The following ZNF41 variants were observed in gnomAD, a reference collection of about 807,000 sequenced individuals.
ZNF41 encodes the protein zinc finger protein 41.
In ZNF41, 6 loss-of-function variants were observed where a neutral mutation model predicts 9.3. The ratio of observed to expected loss-of-function variants is 0.65; its 90% CI spans 0.35 to 1.28. The LOEUF is 1.28. ZNF41 is among the 50% of genes most tolerant of loss of function. The probability of loss-of-function intolerance (pLI) is 0.03; values close to 1 mark genes in which losing one functional copy is unlikely to be tolerated. For missense variants in ZNF41, 523 were observed against 585.8 expected, an observed-to-expected ratio of 0.89 and a Z score of 1.11; for synonymous variants, 192 against 207.1, an observed-to-expected ratio of 0.93 and a Z score of 0.63.
intron 2 of ZNF41, among the ~76,000 whole-genome samples, chrX:47,459,725 C>T (rs142793644): frequency 0.012 from 913 of 77,139 alleles, 9 homozygotes; most frequent in Non-Finnish European, 0.018. Flanking sequence ...GCCTGGGTGA[C>T]GGAGCAAGAC....
At chrX:47,460,055 TG>T (rs2056731585) in intron 2 of ZNF41, among the ~76,000 whole-genome samples, 1 of 111,145 alleles carries the variant, frequency 9.0e-6, no homozygotes, top group Non-Finnish European at 1.9e-5. Context: ...AAAACCAGCC[TG>T]GGCAATATGG....
chrX:47,451,481 C>T (rs964159374), intron 4 of ZNF41, among the ~76,000 whole-genome samples: 6 of 112,036 alleles, frequency 5.4e-5, no homozygotes, highest in Non-Finnish European at 9.4e-5. Flanking sequence ...AGGCTGGGTG[C>T]GGTGGCTCAT....
chrX:47,474,599 G>GGCCA (rs1269667518), intron 1 of ZNF41, among the ~76,000 whole-genome samples: 1 of 109,351 alleles, frequency 9.1e-6, no homozygotes, highest in Non-Finnish European at 1.9e-5. Flanking sequence ...TAAAAGGTCT[G>GGCCA]GGTACAGTGG....
intron 2 of ZNF41, among the ~76,000 whole-genome samples, chrX:47,464,455 G>A (rs1356484873): frequency 9.0e-6 from 1 of 111,180 alleles, no homozygotes; most frequent in East Asian, 2.8e-4. Context: ...AAACCCTGGG[G>A]ATATTTTTAT....
At chrX:47,450,059 T>C (rs991076133) in intron 4 of ZNF41, among the ~76,000 whole-genome samples, 2 of 111,906 alleles carry the variant, frequency 1.8e-5, no homozygotes, top group Non-Finnish European at 3.8e-5. Flanking sequence ...CCTTCAAATT[T>C]AATGTTAATT....
At chrX:47,474,897 T>C (rs1365562733) in intron 1 of ZNF41, among the ~76,000 whole-genome samples, 1 of 76,526 alleles carries the variant, frequency 1.3e-5, no homozygotes, top group African/African-American at 5.1e-5. Flanking sequence ...AAAAAAAGAG[T>C]AGGCCGGGCA....
chrX:47,459,931 G>A (rs1377705586), intron 2 of ZNF41, among the ~76,000 whole-genome samples: 1 of 99,229 alleles, frequency 1.0e-5, no homozygotes. Flanking sequence ...TGACAAAAGC[G>A]AGACTCCATC....
chrX:47,467,504 C>G lies in ZNF41; in HGVS notation c.-23G>C, dbSNP rs1055676962. ...CATGTTCACGCTGGGCCTCAGCCCT[C>G]AGGCTCTCCTGCTGACAACCCCACT... is the stretch of plus-strand genomic sequence containing the variant. On this transcript the variant is annotated 5_prime_UTR_variant, in exon 2 of 5. It removes the in-frame stop codon of an upstream open reading frame in the 5' UTR. Coordinates refer to ENST00000684689, the MANE Select transcript of ZNF41 (RefSeq NM_001324144.2). 1 of 1,174,306 alleles carries G rather than the reference C, an allele frequency of 8.5e-7. No individual in the cohort carries two copies. Among genetic ancestry groups the G allele is most frequent in the Admixed American group, 2.5e-5 (1 of 39,893 alleles).
intron 2 of ZNF41, among the ~76,000 whole-genome samples, chrX:47,466,915 G>A (rs1474081411): frequency 1.8e-5 from 2 of 111,836 alleles, no homozygotes; most frequent in African/African-American, 6.5e-5. Flanking sequence ...AAAGAAAAAG[G>A]ATTTTTCTCT....
chrX:47,447,188 G>T lies in ZNF41; in HGVS notation c.*242C>A. 2.4e-6 allele frequency: 1 copy of T among 408,721 alleles called. No homozygotes were observed. Among genetic ancestry groups the T allele is most frequent in the South Asian group, 3.6e-5 (1 of 28,169 alleles). 33.7% of individuals were successfully genotyped at this position (408,721 alleles called of 1,213,427 possible). On this transcript the variant is annotated 3_prime_UTR_variant, in exon 5 of 5. Transcript: ENST00000684689. Reference sequence around the variant, plus strand: ...AATCATGTCACCAAACATGACTTTCGCTCAAATGCTTTCTCTAAAGGCTCT... The same window carrying T: ...AATCATGTCACCAAACATGACTTTCTCTCAAATGCTTTCTCTAAAGGCTCT...
chrX:47,473,705 A>G (rs909907510), intron 1 of ZNF41, among the ~76,000 whole-genome samples: 1 of 112,449 alleles, frequency 8.9e-6, no homozygotes, highest in African/African-American at 3.2e-5. Context: ...AAACACATTT[A>G]GAACTGGTAC....
chrX:47,457,976 T>C (rs1046870057), intron 2 of ZNF41, among the ~76,000 whole-genome samples: 1 of 112,513 alleles, frequency 8.9e-6, no homozygotes, highest in African/African-American at 3.2e-5. Context: ...TGGTGTTATA[T>C]ACTGAGAGGG....
At chrX:47,465,980 A>G (rs2056969012) in intron 2 of ZNF41, among the ~76,000 whole-genome samples, 1 of 111,090 alleles carries the variant, frequency 9.0e-6, no homozygotes, top group African/African-American at 3.3e-5. Context: ...TTAGCTATAT[A>G]TGTGTATGTG....
chrX:47,465,912 T>C (rs185972332), intron 2 of ZNF41, among the ~76,000 whole-genome samples: 203 of 112,605 alleles, frequency 1.8e-3, no homozygotes, highest in African/African-American at 6.3e-3. Context: ...TAGCAAATTA[T>C]GTTAAACTGC....
At chrX:47,457,053 A>G (rs1404396895) in intron 2 of ZNF41, among the ~76,000 whole-genome samples, 1 of 111,774 alleles carries the variant, frequency 8.9e-6, no homozygotes, top group Admixed American at 9.5e-5. Context: ...TCTAATAGAG[A>G]ATGGACTGCA....
At chrX:47,455,287 AT>A (rs1423998661) in intron 4 of ZNF41, among the ~76,000 whole-genome samples, 2 of 99,321 alleles carry the variant, frequency 2.0e-5, no homozygotes, top group East Asian at 6.3e-4. Context: ...TAAAATTAAA[AT>A]TAAAAAAAAA....
chrX:47,463,072 C>T (rs1015353055), intron 2 of ZNF41, among the ~76,000 whole-genome samples: 5 of 110,315 alleles, frequency 4.5e-5, no homozygotes, highest in African/African-American at 6.6e-5. Context: ...ACAATCCTCC[C>T]GCTTTGGCCT....
At chrX:47,454,033 T>C (rs995135259) in intron 4 of ZNF41, among the ~76,000 whole-genome samples, 1 of 111,225 alleles carries the variant, frequency 9.0e-6, no homozygotes, top group Middle Eastern at 4.2e-3. Flanking sequence ...AATGGCACCG[T>C]TGCATTCCAG....
rs1441027359 is a variant in ZNF41, at chrX:47,447,816, C to G, written c.1954G>C (p.Val652Leu). The change falls in exon 5 of 5, where the codon GTG becomes CTG. Residue 652 changes from valine to leucine, a missense_variant. Physicochemically the swap from Val to Leu is conservative, Grantham distance 32. Transcript: ENST00000684689. ...KCFTKKSQLR[V>L]HQKIHTGEKP... ...TCACCTGTGTGGATTTTCTGATGCACACGGAGTTGTGACTTCTTAGTGAAG... is the reference window on the plus strand; with the variant it reads ...TCACCTGTGTGGATTTTCTGATGCAGACGGAGTTGTGACTTCTTAGTGAAG... 5 of 1,211,523 alleles carry G rather than the reference C, an allele frequency of 4.1e-6. No homozygotes were observed. Among genetic ancestry groups the G allele is most frequent in the Non-Finnish European group, 5.6e-6 (5 of 895,468 alleles).
Sources: gnomAD v4.1 joint callset for allele counts (sites outside exome capture counted in the v4.1 genomes callset) on GRCh38, gnomAD v4.1.1 for gene constraint, MANE v1.5 for transcripts, NCBI Gene and HGNC (gene_info 2026-07-23, HGNC 2026-07-21) for gene names.